DOCK3: variants seen among roughly 807,000 people sequenced by gnomAD.
DOCK3 encodes dedicator of cytokinesis 3.
In DOCK3, 60 loss-of-function variants were observed where a neutral mutation model predicts 265.6. That is an observed-to-expected ratio of 0.23 (90% CI 0.18 to 0.28). The LOEUF is 0.28. Among genes scored for constraint, DOCK3 ranks in the 10% least tolerant of loss-of-function variants. The probability of loss-of-function intolerance (pLI) is 1.00; values close to 1 mark genes in which losing one functional copy is unlikely to be tolerated. For missense variants in DOCK3, 1,981 were observed against 2,594.3 expected (o/e 0.76, Z 5.14); for synonymous variants, 881 against 938.0 (o/e 0.94, Z 1.11).
chr3:51,117,810 C>A (rs1354216490), intron 9 of DOCK3, among the ~76,000 whole-genome samples: 2 of 152,062 alleles, frequency 1.3e-5, no homozygotes, highest in Non-Finnish European at 2.9e-5. Flanking sequence ...TGGTGATCAA[C>A]CCTTTATAAT....
chr3:51,133,631 C>T (rs1006805434), intron 9 of DOCK3, among the ~76,000 whole-genome samples: 1 of 152,044 alleles, frequency 6.6e-6, no homozygotes, highest in Non-Finnish European at 1.5e-5. Context: ...CATACATGTG[C>T]ATGTGTCTTT....
chr3:51,238,680 G>A (rs946918723), intron 21 of DOCK3, among the ~76,000 whole-genome samples: 5 of 152,006 alleles, frequency 3.3e-5, no homozygotes, highest in Non-Finnish European at 7.4e-5. Flanking sequence ...TCGTCATGTA[G>A]CTCCCACTTA....
rs748202511 is a variant in DOCK3 at position 51,333,185 on chromosome 3, A to G, written c.3543A>G (p.Thr1181=). 2 of 1,613,972 alleles carry G rather than the reference A, an allele frequency of 1.2e-6. No homozygotes were observed. The highest frequency in any genetic ancestry group is 3.3e-5 in the Admixed American group (2 of 60,032). The change falls in exon 35 of 53, where the codon ACA becomes ACG. Residue 1181 remains threonine, a synonymous_variant. Coordinates refer to ENST00000266037, the MANE Select transcript of DOCK3 (RefSeq NM_004947.5). ...TGCTGGAGAAGGTTGAACAAGAAACATGGCGCGAGACCGGCATTTCCTTTG... is the reference window on the plus strand; with the variant it reads ...TGCTGGAGAAGGTTGAACAAGAAACGTGGCGCGAGACCGGCATTTCCTTTG... ...PSLLEKVEQE[T]WRETGISFVT... is the part of the protein sequence containing the mutation.
chr3:51,323,285 TAGAC>T (rs2083865915), intron 32 of DOCK3, among the ~76,000 whole-genome samples: 1 of 152,068 alleles, frequency 6.6e-6, no homozygotes, highest in African/African-American at 2.4e-5. Context: ...CTGTCTATAT[TAGAC>T]AGATTAATGA....
At position 51,310,352 on chromosome 3, in the gene DOCK3, G is replaced by A. The variant is rs569354319; in HGVS notation, c.3017+26G>A. On this transcript the variant is annotated intron_variant, in intron 28 of 52. Coordinates refer to ENST00000266037, the MANE Select transcript of DOCK3 (RefSeq NM_004947.5). ...GTAAGTATGGAAGGGCTCTGTATCA[G>A]CATCACTGAGCTGTTCTCAGACTAA... The A allele has an allele frequency of 1.9e-5, 29 of 1,518,520 alleles. No individual in the cohort carries two copies. In the African/African-American group the frequency reaches 3.7e-4, roughly 19 times the overall value. 94.1% of individuals were successfully genotyped at this position (1,518,520 alleles called of 1,614,324 possible).
intron 32 of DOCK3, among the ~76,000 whole-genome samples, chr3:51,322,863 G>A (rs2083826467): frequency 6.6e-6 from 1 of 151,996 alleles, no homozygotes; most frequent in Non-Finnish European, 1.5e-5. Context: ...CTGGCAAATT[G>A]GGTAAAGAGT....
In DOCK3 at chr3:51,358,014, A is replaced by T; in HGVS notation, c.4821A>T (p.Glu1607Asp). 6.2e-7 allele frequency: 1 copy of T among 1,613,978 alleles called. No homozygotes were observed. Among genetic ancestry groups the T allele is most frequent in the South Asian group, 1.1e-5 (1 of 91,074 alleles). ...TTCATGAGAAGTTTGTGCACCCAGA[A>T]ATGCGGCCTCTGCATAAGAAGCTAA... Reference protein sequence around the residue: ...LAVHEKFVHPEMRPLHKKLID... With the variant: ...LAVHEKFVHPDMRPLHKKLID... The change falls in exon 46 of 53, where the codon GAA (glutamate) becomes GAT (aspartate). Residue 1607 changes from glutamate (E) to aspartate (D), a missense_variant. This residue lies in a region of DOCK3 where 1,357 missense variants were observed against 1,866.8 expected (regional missense o/e 0.73). Transcript: ENST00000266037.
chr3:51,338,522 G>T, intron 36 of DOCK3, 103 bp downstream of exon 36: 1 of 1,343,142 alleles, frequency 7.4e-7, no homozygotes, highest in Non-Finnish European at 1.0e-6. Context: ...GCAGGCCTAA[G>T]GGTTTGAATC....
At chr3:51,041,818 A>G (rs557875385) in intron 5 of DOCK3, among the ~76,000 whole-genome samples, 2 of 152,320 alleles carry the variant, frequency 1.3e-5, no homozygotes, top group Admixed American at 6.5e-5. Context: ...TAGAATTAAC[A>G]TAATTCTTAA....
At chr3:51,194,514 A>G (rs1364074471) in intron 12 of DOCK3, among the ~76,000 whole-genome samples, 1 of 152,152 alleles carries the variant, frequency 6.6e-6, no homozygotes, top group Non-Finnish European at 1.5e-5. Context: ...TGAAGTCCCC[A>G]ACTATTATTG....
In DOCK3 at chr3:50,852,814, A is replaced by G. The variant is rs182013019; in HGVS notation, c.162+11099A>G. On this transcript the variant is annotated intron_variant, in intron 3 of 52. Coordinates refer to ENST00000266037, the MANE Select transcript of DOCK3 (RefSeq NM_004947.5). ...GTTTATTCACTTTTATTTTTAAAAGATATTTTTATTGGATATACAATTCTA... is the reference window on the plus strand; with the variant it reads ...GTTTATTCACTTTTATTTTTAAAAGGTATTTTTATTGGATATACAATTCTA... Among the ~76,000 whole-genome samples, 15 of 152,298 alleles carry G rather than the reference A, an allele frequency of 9.8e-5. 1 individual carries two copies. The highest frequency in any genetic ancestry group is 6.2e-4 in the South Asian group (3 of 4,830).
At chr3:50,881,946 C>A (rs2048055738) in intron 3 of DOCK3, among the ~76,000 whole-genome samples, 1 of 152,122 alleles carries the variant, frequency 6.6e-6, no homozygotes, top group Non-Finnish European at 1.5e-5. Flanking sequence ...GAATAGAGCC[C>A]TCGGAAATAA....
chr3:50,782,458 T>C (rs1353910662), intron 2 of DOCK3, among the ~76,000 whole-genome samples: 1 of 150,960 alleles, frequency 6.6e-6, no homozygotes, highest in Non-Finnish European at 1.5e-5. Context: ...GCCCGGCTAA[T>C]TTTTTGTATT....
intron 22 of DOCK3, among the ~76,000 whole-genome samples, chr3:51,249,437 G>C (rs1287867407): frequency 8.7e-6 from 1 of 114,528 alleles, no homozygotes; most frequent in Non-Finnish European, 1.8e-5. Context: ...GCCTCTGTCC[G>C]GCCGCCCCTA....
intron 3 of DOCK3, chr3:50,863,406 T>C (rs751107180): frequency 1.9e-6 from 1 of 519,902 alleles, no homozygotes; most frequent in Non-Finnish European, 3.8e-6. Context: ...ATAGCATAGC[T>C]CTGGGTTACA....
At chr3:51,294,522 C>CA (rs2081965189) in intron 27 of DOCK3, among the ~76,000 whole-genome samples, 1 of 151,744 alleles carries the variant, frequency 6.6e-6, no homozygotes, top group Non-Finnish European at 1.5e-5. Context: ...ACTAAAAATA[C>CA]AAAAAAATAG....
At chr3:51,238,269 AG>A (rs1232455017) in intron 21 of DOCK3, among the ~76,000 whole-genome samples, 1 of 151,080 alleles carries the variant, frequency 6.6e-6, no homozygotes, top group East Asian at 2.0e-4. Context: ...CAGCCTCCCG[AG>A]TAGCTGGGAC....
At chr3:51,203,747 C>T (rs1464485822) in intron 12 of DOCK3, among the ~76,000 whole-genome samples, 1 of 152,188 alleles carries the variant, frequency 6.6e-6, no homozygotes, top group Non-Finnish European at 1.5e-5. Flanking sequence ...AGGCATCACG[C>T]TACCTGACTT....
At chr3:50,820,344 G>C (rs976018371) in intron 2 of DOCK3, among the ~76,000 whole-genome samples, 1 of 152,136 alleles carries the variant, frequency 6.6e-6, no homozygotes, top group Non-Finnish European at 1.5e-5. Flanking sequence ...TTTTTTATCA[G>C]TGGGGTCTTT....
Sources: gnomAD v4.1 joint callset for allele counts (sites outside exome capture counted in the v4.1 genomes callset) on GRCh38, gnomAD v4.1.1 for gene constraint, gnomAD v4.1.1 regional missense constraint, MANE v1.5 for transcripts, NCBI Gene and HGNC (gene_info 2026-07-23, HGNC 2026-07-21) for gene names.